The following ADARB2 variants were observed in gnomAD, a reference collection of about 807,000 sequenced individuals.
The protein encoded by ADARB2 is inactive double-stranded RNA-specific editase B2.
ADARB2 carries 25 observed loss-of-function variants against 62.2 expected under a neutral mutation model. The observed-to-expected ratio is 0.40, with a 90% CI of 0.29 to 0.56. The LOEUF (loss-of-function observed/expected upper bound fraction) is 0.56. ADARB2 is among the 20% of genes least tolerant of loss of function. The probability of loss-of-function intolerance (pLI) is 0.43; values close to 1 mark genes in which losing one functional copy is unlikely to be tolerated. For synonymous variants in ADARB2, 572 were observed against 500.8 expected, an observed-to-expected ratio of 1.14 and a Z score of -1.90; for missense variants, 1,071 against 1,077.4, an observed-to-expected ratio of 0.99 and a Z score of 0.08.
chr10:1,309,893 T>C (rs1039815247), intron 3 of ADARB2, among the ~76,000 whole-genome samples: 1 of 152,232 alleles, frequency 6.6e-6, no homozygotes, highest in Non-Finnish European at 1.5e-5. Flanking sequence ...CCTCTGCAGC[T>C]GTGTGGACTG....
chr10:1,494,057 T>C (rs528044966), intron 1 of ADARB2, among the ~76,000 whole-genome samples: 1 of 152,258 alleles, frequency 6.6e-6, no homozygotes, highest in African/African-American at 2.4e-5. Flanking sequence ...TGGCCCATAA[T>C]AGGGCATTCT....
chr10:1,617,444 C>G (rs1460314248), intron 1 of ADARB2, among the ~76,000 whole-genome samples: 2 of 90,630 alleles, frequency 2.2e-5, no homozygotes, highest in African/African-American at 7.9e-5. Context: ...GAACTGACCT[C>G]AGAGGGTTGC....
intron 6 of ADARB2, among the ~76,000 whole-genome samples, chr10:1,229,819 T>C (rs1323358481): frequency 1.3e-5 from 2 of 149,848 alleles, no homozygotes; most frequent in Non-Finnish European, 2.9e-5. Flanking sequence ...CATGTACTTA[T>C]GTATGTTTTT....
intron 1 of ADARB2, among the ~76,000 whole-genome samples, chr10:1,660,968 CCT>C (rs1420264922): frequency 2.0e-5 from 3 of 152,156 alleles, no homozygotes; most frequent in African/African-American, 7.2e-5. Context: ...ATAAACCCCC[CCT>C]CTGACCAGAA....
At chr10:1,713,864 C>A (rs544878767) in intron 1 of ADARB2, among the ~76,000 whole-genome samples, 1 of 152,200 alleles carries the variant, frequency 6.6e-6, no homozygotes, top group African/African-American at 2.4e-5. Flanking sequence ...CGGTTACAGA[C>A]GTACATAAAA....
At chr10:1,320,802 A>G (rs1435276294) in intron 3 of ADARB2, among the ~76,000 whole-genome samples, 1 of 152,198 alleles carries the variant, frequency 6.6e-6, no homozygotes, top group African/African-American at 2.4e-5. Context: ...TTAGAATACA[A>G]TGGGCCGGCA....
At chr10:1,647,724 G>A (rs950515722) in intron 1 of ADARB2, among the ~76,000 whole-genome samples, 6 of 151,846 alleles carry the variant, frequency 4.0e-5, no homozygotes, top group Non-Finnish European at 8.8e-5. Flanking sequence ...GCATGTATGT[G>A]CATGCATATG....
At chr10:1,691,212 G>A (rs897830863) in intron 1 of ADARB2, among the ~76,000 whole-genome samples, 2 of 152,088 alleles carry the variant, frequency 1.3e-5, no homozygotes, top group Admixed American at 1.3e-4. Flanking sequence ...ATGCACAGAG[G>A]GATGATCCTG....
At chr10:1,614,002 TAG>T (rs1295487742) in intron 1 of ADARB2, among the ~76,000 whole-genome samples, 1 of 152,250 alleles carries the variant, frequency 6.6e-6, no homozygotes, top group Non-Finnish European at 1.5e-5. Context: ...GTTAGTGTGA[TAG>T]AGTGCTTATT....
intron 1 of ADARB2, among the ~76,000 whole-genome samples, chr10:1,635,639 A>G (rs1833909841): frequency 6.6e-6 from 1 of 152,150 alleles, no homozygotes; most frequent in Non-Finnish European, 1.5e-5. Context: ...AAGCTCTCCC[A>G]CTGTCTTCAT....
At chr10:1,682,572 C>A (rs938738011) in intron 1 of ADARB2, among the ~76,000 whole-genome samples, 2 of 152,146 alleles carry the variant, frequency 1.3e-5, no homozygotes, top group South Asian at 4.1e-4. Context: ...TGGGATTAAG[C>A]CGGGTTCAGG....
chr10:1,372,012 G>T (rs562446070), intron 2 of ADARB2, among the ~76,000 whole-genome samples: 1 of 152,138 alleles, frequency 6.6e-6, no homozygotes, highest in Non-Finnish European at 1.5e-5. Context: ...GCCTGTACGT[G>T]TATGTTCACC....
chr10:1,191,076 G>A (rs1836837584), intron 8 of ADARB2, among the ~76,000 whole-genome samples: 1 of 152,110 alleles, frequency 6.6e-6, no homozygotes, highest in Non-Finnish European at 1.5e-5. Flanking sequence ...AGTAGAATGG[G>A]GGTTTGCACG....
At chr10:1,222,487 G>A (rs1464665472) in intron 6 of ADARB2, among the ~76,000 whole-genome samples, 1 of 150,414 alleles carries the variant, frequency 6.6e-6, no homozygotes, top group Non-Finnish European at 1.5e-5. Flanking sequence ...TGAAGTCCTT[G>A]CCCATGCCAA....
At chr10:1,495,979 TATC>T (rs1396667570) in intron 1 of ADARB2, among the ~76,000 whole-genome samples, 1 of 151,078 alleles carries the variant, frequency 6.6e-6, no homozygotes, top group Non-Finnish European at 1.5e-5. Flanking sequence ...TTGCCATGAT[TATC>T]ATTTCTATTG....
intron 1 of ADARB2, among the ~76,000 whole-genome samples, chr10:1,630,903 C>T (rs537835024): frequency 9.9e-5 from 15 of 151,870 alleles, no homozygotes; most frequent in South Asian, 2.1e-4. Context: ...TGCAGTGAGC[C>T]GAGATCATGC....
At chr10:1,554,052 C>A (rs1376622563) in intron 1 of ADARB2, among the ~76,000 whole-genome samples, 2 of 152,222 alleles carry the variant, frequency 1.3e-5, no homozygotes, top group Non-Finnish European at 2.9e-5. Context: ...GGGCCTGGGT[C>A]CCACAGCCCA....
intron 1 of ADARB2, among the ~76,000 whole-genome samples, chr10:1,566,253 C>T (rs1046482964): frequency 6.6e-6 from 1 of 152,154 alleles, no homozygotes; most frequent in African/African-American, 2.4e-5. Context: ...GGGACAGACC[C>T]AGCTTTTGTC....
At chr10:1,678,365 C>G in intron 1 of ADARB2, 2 of 984,460 alleles carry the variant, frequency 2.0e-6, no homozygotes, top group Non-Finnish European at 2.4e-6. Flanking sequence ...TGAGTGACCT[C>G]GGGGTGAGCA....
Sources: gnomAD v4.1 joint callset for allele counts (sites outside exome capture counted in the v4.1 genomes callset) on GRCh38, gnomAD v4.1.1 for gene constraint, MANE v1.5 for transcripts, NCBI Gene and HGNC (gene_info 2026-07-23, HGNC 2026-07-21) for gene names.